ZFP36L1: variants seen among roughly 807,000 people sequenced by gnomAD.
ZFP36L1 encodes the protein ZFP36 like 1 zinc finger CCCH-type, also known as mRNA decay activator protein ZFP36L1.
ZFP36L1 carries 4 observed loss-of-function variants against 16.7 expected under a neutral mutation model. That is an observed-to-expected ratio of 0.24 (90% CI 0.12 to 0.55). The LOEUF (loss-of-function observed/expected upper bound fraction) is 0.55. Ranked by LOEUF, ZFP36L1 falls within the 20% of genes least tolerant of loss-of-function variation. The probability of loss-of-function intolerance (pLI) is 0.94; values close to 1 mark genes in which losing one functional copy is unlikely to be tolerated. For missense variants in ZFP36L1, 311 were observed against 449.2 expected, an observed-to-expected ratio of 0.69 and a Z score of 2.78; for synonymous variants, 220 against 190.8, an observed-to-expected ratio of 1.15 and a Z score of -1.26.
At chr14:68,791,227 A>AT (rs1566560383) in intron 1 of ZFP36L1, 1 of 565,786 alleles carries the variant, frequency 1.8e-6, no homozygotes, top group Non-Finnish European at 3.2e-6. Flanking sequence ...CTTCACTGAG[A>AT]AGATGCCTTT....
chr14:68,790,888 A>G (rs1205953610), intron 1 of ZFP36L1: 1 of 525,706 alleles, frequency 1.9e-6, no homozygotes, highest in South Asian at 2.4e-5. Flanking sequence ...CGCCCGCGAC[A>G]AAAACAGGTA....
chr14:68,796,025 C>G (rs982409606), upstream of ZFP36L1: 3 of 1,325,436 alleles, frequency 2.3e-6, no homozygotes, highest in African/African-American at 1.5e-5. Context: ...CGGTGCATTC[C>G]GCCCTCCCGC....
chr14:68,791,241 A>G (rs1441742119), intron 1 of ZFP36L1: 9 of 558,268 alleles, frequency 1.6e-5, no homozygotes, highest in African/African-American at 1.3e-4. Context: ...TGCCTTTGCA[A>G]TTAGTCTTTT....
upstream of ZFP36L1, chr14:68,793,089 A>C: frequency 6.5e-7 from 1 of 1,548,428 alleles, no homozygotes. Context: ...CGCAAAGCCC[A>C]ATTTATAAAG....
At chr14:68,793,332 C>CT, upstream of ZFP36L1, 1 of 998,810 alleles carries the variant, frequency 1.0e-6, no homozygotes, top group Non-Finnish European at 1.2e-6. Flanking sequence ...TTTTTTTTTT[C>CT]TTTAAGAGGA....
upstream of ZFP36L1, chr14:68,793,907 G>A (rs1895180668): frequency 1.0e-6 from 1 of 984,120 alleles, no homozygotes; most frequent in South Asian, 4.7e-5. Flanking sequence ...TTTGCAGCCG[G>A]CGCTCTCCGG....
chr14:68,792,770 ATC>A, intron 1 of ZFP36L1, 110 bp downstream of exon 1: 1 of 1,436,224 alleles, frequency 7.0e-7, no homozygotes, highest in African/African-American at 1.4e-5. Flanking sequence ...GAAAAGAATC[ATC>A]TCGCTGCACC....
chr14:68,795,670 G>T, upstream of ZFP36L1: 1 of 418,474 alleles, frequency 2.4e-6, no homozygotes, highest in South Asian at 1.8e-5. Flanking sequence ...GCTCCGCAAG[G>T]CTGCGACTGG....
At chr14:68,793,842 C>A, upstream of ZFP36L1, 1 of 972,634 alleles carries the variant, frequency 1.0e-6, no homozygotes, top group African/African-American at 1.8e-5. Context: ...CATGGTCTGG[C>A]GGGGGCGAGC....
chr14:68,790,284 C>T lies in ZFP36L1; in HGVS notation c.266G>A (p.Arg89His), dbSNP rs754076627. The part of the protein sequence containing the change: ...LSSRDSRFRD[R>H]SFSEGGERLL... The stretch of plus-strand genomic sequence containing the variant: ...CCGCTCGCCCCCTTCCGAGAAGGAG[C>T]GGTCTCGGAAGCGGCTGTCTCGCGA... Residue 89 changes from arginine (R) to histidine (H), a missense_variant, in exon 2 of 2, where the codon CGC becomes CAC. Physicochemically the swap from Arg to His is conservative, Grantham distance 29. Around this residue, in one of 4 missense-constraint regions of ZFP36L1, gnomAD observed 137 missense variants for 142.6 expected, o/e 0.96. Transcript: ENST00000439696. The T allele has an allele frequency of 1.2e-6, 2 of 1,610,114 alleles. No individual in the cohort carries two copies. Among genetic ancestry groups the T allele is most frequent in the South Asian group, 1.1e-5 (1 of 91,036 alleles).
upstream of ZFP36L1, chr14:68,793,435 C>G (rs967777072): frequency 2.7e-4 from 271 of 996,136 alleles, no homozygotes; most frequent in Admixed American, 3.6e-3. Flanking sequence ...CGCGCCCCCT[C>G]CTTTGTCAGC....
chr14:68,795,695 T>A, upstream of ZFP36L1: 1 of 486,998 alleles, frequency 2.1e-6, no homozygotes, highest in South Asian at 1.6e-5. Context: ...GCCCGCTCGC[T>A]CCCGAGTTGT....
Position 68,792,916 on chromosome 14 carries a change from G to T in ZFP36L1, c.23C>A (p.Ala8Asp). The part of the protein sequence containing the change: MTTTLVS[A>D]TIFDLSEVLC... ...AACTTCGCTCAAGTCGAAGATGGTGGCAGACACGAGGGTGGTGGTCATCCT... is the reference window on the plus strand; with the variant it reads ...AACTTCGCTCAAGTCGAAGATGGTGTCAGACACGAGGGTGGTGGTCATCCT... The change falls in exon 1 of 2, where the codon GCC becomes GAC. Residue 8 changes from alanine to aspartate, a missense_variant. By Grantham distance (126) the Ala-to-Asp change is moderately radical. Around this residue, in one of 4 missense-constraint regions of ZFP36L1, gnomAD observed 137 missense variants for 142.6 expected, o/e 0.96. Coordinates refer to ENST00000439696, the MANE Select transcript of ZFP36L1 (RefSeq NM_004926.4). 6.2e-7 allele frequency: 1 copy of T among 1,614,068 alleles called. No individual in the cohort carries two copies. The highest frequency in any genetic ancestry group is 8.5e-7 in the Non-Finnish European group (1 of 1,180,006).
chr14:68,792,603 T>TC (rs1354275762), intron 1 of ZFP36L1, among the ~76,000 whole-genome samples: 1 of 151,274 alleles, frequency 6.6e-6, no homozygotes, highest in African/African-American at 2.4e-5. Flanking sequence ...ATCCCAGCCC[T>TC]CCCCCCGAAG....
At position 68,789,799 on chromosome 14, in the gene ZFP36L1, A is replaced by T. The variant is rs770355047; in HGVS notation, c.751T>A (p.Phe251Ile). The T allele has an allele frequency of 6.2e-7, 1 of 1,613,490 alleles. No homozygotes were observed. Among genetic ancestry groups the T allele is most frequent in the Admixed American group, 1.7e-5 (1 of 60,014 alleles). ...PTLPDGTNNP[F>I]AFSSQELASL... is the part of the protein sequence containing the mutation. ...GCCAGCTCCTGGCTGGAGAAGGCAA[A>T]AGGGTTATTGGTGCCATCGGGCAGG... Residue 251 changes from phenylalanine (F) to isoleucine (I), a missense_variant, in exon 2 of 2, where the codon TTT becomes ATT. This residue lies in a region of ZFP36L1 where 147 missense variants were observed against 192.0 expected (regional missense o/e 0.77). Coordinates refer to ENST00000439696, the MANE Select transcript of ZFP36L1 (RefSeq NM_004926.4). The surrounding 1 kb of genome is among the most constrained non-coding windows in gnomAD (Gnocchi z 4.5).
chr14:68,791,915 AC>A (rs1413696724), intron 1 of ZFP36L1, among the ~76,000 whole-genome samples: 1 of 152,116 alleles, frequency 6.6e-6, no homozygotes, highest in Non-Finnish European at 1.5e-5. Flanking sequence ...GAGCAACATG[AC>A]CCGACGTGTT....
chr14:68,792,426 A>G (rs1895109659), intron 1 of ZFP36L1, among the ~76,000 whole-genome samples: 2 of 152,200 alleles, frequency 1.3e-5, no homozygotes, highest in African/African-American at 4.8e-5. Flanking sequence ...AGTGGAGGAA[A>G]ACATTGTCCC....
At chr14:68,791,657 G>T (rs1228715712) in intron 1 of ZFP36L1, among the ~76,000 whole-genome samples, 1 of 151,634 alleles carries the variant, frequency 6.6e-6, no homozygotes, top group African/African-American at 2.4e-5. Context: ...AAGTCGTGAG[G>T]GGGGAGGGGG....
chr14:68,795,384 A>G (rs557249901), upstream of ZFP36L1, among the ~76,000 whole-genome samples: 407 of 120,486 alleles, frequency 3.4e-3, no homozygotes, highest in Non-Finnish European at 5.4e-3. Context: ...AGCTGGGGGG[A>G]CCGGAGGAGG....
Sources: allele counts gnomAD v4.1 joint callset (sites outside exome capture counted in the v4.1 genomes callset), GRCh38; gene constraint gnomAD v4.1.1; regional missense constraint gnomAD v4.1.1; non-coding constraint Gnocchi (gnomAD v3.1); transcripts MANE v1.5; gene names NCBI Gene and HGNC (gene_info 2026-07-23, HGNC 2026-07-21).